TFEC: variants seen among roughly 807,000 people sequenced by gnomAD.
TFEC encodes class E basic helix-loop-helix protein 34.
TFEC carries 31 observed loss-of-function variants against 41.6 expected under a neutral mutation model. That is an observed-to-expected ratio of 0.74 (90% CI 0.56 to 1.01). The LOEUF is 1.01. Ranked by LOEUF, TFEC falls within the 50% of genes least tolerant of loss-of-function variation. The pLI, the probability that TFEC is intolerant of heterozygous loss-of-function variation, is 0.00. For synonymous variants in TFEC, 143 were observed against 140.6 expected (o/e 1.02, Z -0.12); for missense variants, 402 against 404.1 (o/e 0.99, Z 0.04).
intron 1 of TFEC, among the ~76,000 whole-genome samples, chr7:116,115,416 G>A (rs1220330527): frequency 2.0e-5 from 3 of 151,900 alleles, no homozygotes; most frequent in African/African-American, 7.2e-5. Flanking sequence ...GAGGCTTTAT[G>A]GGATAATCCA....
At chr7:115,977,598 G>A (rs1793440877) in intron 2 of TFEC, among the ~76,000 whole-genome samples, 1 of 151,872 alleles carries the variant, frequency 6.6e-6, no homozygotes, top group Non-Finnish European at 1.5e-5. Flanking sequence ...ACAGTTTAAG[G>A]AGTACTCCAG....
chr7:115,970,791 C>T (rs537752048), intron 3 of TFEC, among the ~76,000 whole-genome samples: 3 of 152,058 alleles, frequency 2.0e-5, no homozygotes, highest in East Asian at 1.9e-4. Context: ...CCATGTGACA[C>T]TCTGGCTCCC....
chr7:115,991,332 A>G (rs1794102141), intron 1 of TFEC, among the ~76,000 whole-genome samples: 1 of 152,230 alleles, frequency 6.6e-6, no homozygotes, highest in African/African-American at 2.4e-5. Flanking sequence ...GAGCAAAATA[A>G]CCAGCTAACA....
intron 1 of TFEC, among the ~76,000 whole-genome samples, chr7:116,008,203 A>C (rs534709777): frequency 6.6e-6 from 1 of 152,340 alleles, no homozygotes; most frequent in South Asian, 2.1e-4. Context: ...TTATTATAAT[A>C]GCCAATCAAA....
At chr7:116,047,286 C>T (rs766887103) in intron 3 of TFEC, among the ~76,000 whole-genome samples, 16 of 152,096 alleles carry the variant, frequency 1.1e-4, no homozygotes, top group Non-Finnish European at 2.4e-4. Context: ...CCTGGAAAAT[C>T]GGGACACACA....
chr7:116,156,405 A>G (rs1320699808), intron 1 of TFEC, among the ~76,000 whole-genome samples: 2 of 152,310 alleles, frequency 1.3e-5, no homozygotes, highest in Admixed American at 6.5e-5. Flanking sequence ...AATAACCTTC[A>G]TATCAGTCCT....
Position 116,094,406 on chromosome 7 carries a change from C to T in TFEC, c.198+16302G>A, listed in dbSNP as rs944430641. On this transcript the variant is annotated intron_variant, in intron 3 of 8. Transcript: ENST00000484212. ...AAAATAAGAATACATTTTGGCCAGGCGTGGTGGCTCACGCCTGTAATCCCA... is the reference window on the plus strand; with the variant it reads ...AAAATAAGAATACATTTTGGCCAGGTGTGGTGGCTCACGCCTGTAATCCCA... 5.3e-5 allele frequency among the ~76,000 whole-genome samples: 8 copies of T among 152,284 alleles called. No individual in the cohort carries two copies. In the South Asian group the frequency reaches 1.2e-3, roughly 24 times the overall value.
rs545876815 is a variant in TFEC, at chr7:116,026,367, T to C, written c.-73+4266A>G. Among the ~76,000 whole-genome samples, 21 of 152,350 alleles carry C rather than the reference T, an allele frequency of 1.4e-4. No homozygotes were observed. The South Asian group carries it at 4.4e-3, about 32-fold the overall frequency. Reference sequence around the variant, plus strand: ...CCTTTCCAGATTGGCAGATAATTCATATATACTTTCATTGTAACATTTGTC... The same window carrying C: ...CCTTTCCAGATTGGCAGATAATTCACATATACTTTCATTGTAACATTTGTC... On this transcript the variant is annotated intron_variant, in intron 1 of 7. Coordinates refer to ENST00000265440, the MANE Select transcript of TFEC (RefSeq NM_012252.4).
At chr7:115,949,808 A>C (rs1791830287) in intron 6 of TFEC, among the ~76,000 whole-genome samples, 1 of 152,148 alleles carries the variant, frequency 6.6e-6, no homozygotes, top group Admixed American at 6.6e-5. Context: ...TTCATGTCTA[A>C]AACACCAAAA....
intron 1 of TFEC, among the ~76,000 whole-genome samples, chr7:116,021,976 G>A (rs1353978227): frequency 6.6e-6 from 1 of 152,176 alleles, no homozygotes; most frequent in Non-Finnish European, 1.5e-5. Context: ...TTGGTCCTCA[G>A]ATTCAGCACT....
intron 2 of TFEC, among the ~76,000 whole-genome samples, chr7:115,982,027 C>T (rs1207082788): frequency 1.3e-5 from 2 of 152,134 alleles, no homozygotes; most frequent in Non-Finnish European, 2.9e-5. Flanking sequence ...TTACAAAATG[C>T]TTCTTTTGAT....
intron 1 of TFEC, among the ~76,000 whole-genome samples, chr7:115,998,271 A>T (rs1031661613): frequency 6.6e-6 from 1 of 152,136 alleles, no homozygotes; most frequent in Admixed American, 6.5e-5. Context: ...ACAATAGGTT[A>T]TAAGATGGTA....
chr7:116,121,728 A>G (rs1798111251), intron 1 of TFEC, among the ~76,000 whole-genome samples: 1 of 152,076 alleles, frequency 6.6e-6, no homozygotes, highest in Non-Finnish European at 1.5e-5. Flanking sequence ...TGTGACGATT[A>G]TCTTTTTCAG....
rs888504548 is a variant in TFEC, at chr7:116,024,927, A to G, written c.-73+5706T>C. Among the ~76,000 whole-genome samples, 48 of 151,864 alleles carry G rather than the reference A, an allele frequency of 3.2e-4. 1 individual carries two copies. Among genetic ancestry groups the G allele is most frequent in the African/African-American group, 1.2e-3 (48 of 41,344 alleles). ...TTTTGTTGTTGTTGTTGTTGCTGCTATGGTTTTGTTTGTTTCATCTTTAGA... is the reference window on the plus strand; with the variant it reads ...TTTTGTTGTTGTTGTTGTTGCTGCTGTGGTTTTGTTTGTTTCATCTTTAGA... On this transcript the variant is annotated intron_variant, in intron 1 of 7. Transcript: ENST00000265440.
intron 3 of TFEC, among the ~76,000 whole-genome samples, chr7:115,959,933 A>C (rs180841017): frequency 1.5e-3 from 232 of 151,646 alleles, no homozygotes; most frequent in Middle Eastern, 3.6e-3. Flanking sequence ...GGAAGAAAGA[A>C]TTTTTTAAAG....
upstream of TFEC, among the ~76,000 whole-genome samples, chr7:116,035,343 G>C (rs1349115719): frequency 7.2e-5 from 11 of 152,010 alleles, no homozygotes; most frequent in Admixed American, 6.6e-4. Flanking sequence ...TCAAAGTCCA[G>C]ATCATACGTG....
At chr7:115,961,378 C>T (rs755168769) in intron 3 of TFEC, among the ~76,000 whole-genome samples, 1 of 151,328 alleles carries the variant, frequency 6.6e-6, no homozygotes, top group African/African-American at 2.4e-5. Flanking sequence ...AGATAAAACA[C>T]ATGTAAAAAT....
At position 115,950,845 on chromosome 7, in the gene TFEC, A is replaced by G; in HGVS notation, c.515+29T>C. 5 of 1,550,684 alleles carry G rather than the reference A, an allele frequency of 3.2e-6. No homozygotes were observed. In the South Asian group the frequency reaches 4.8e-5, roughly 15 times the overall value. On this transcript the variant is annotated intron_variant, in intron 6 of 7. Coordinates refer to ENST00000265440, the MANE Select transcript of TFEC (RefSeq NM_012252.4). ...ATTTTGGGGGTCTTTAAATTATAAC[A>G]TTATTATAGAAATGATTGTTGAACT...
chr7:116,016,614 T>C (rs142717300), intron 1 of TFEC, among the ~76,000 whole-genome samples: 239 of 152,246 alleles, frequency 1.6e-3, no homozygotes, highest in African/African-American at 5.5e-3. Context: ...TAATATAACA[T>C]AAATTCCAAA....
Sources: allele counts gnomAD v4.1 joint callset (sites outside exome capture counted in the v4.1 genomes callset), GRCh38; gene constraint gnomAD v4.1.1; transcripts MANE v1.5; gene names NCBI Gene and HGNC (gene_info 2026-07-23, HGNC 2026-07-21).